LCMT1: variants seen among roughly 807,000 people sequenced by gnomAD.
The protein encoded by LCMT1 is [Phosphatase 2A protein]-leucine-carboxy methyltransferase 1.
Under a neutral mutation model 47.7 loss-of-function variants are expected in LCMT1, and 32 were observed. The observed-to-expected ratio is 0.67, with a 90% CI of 0.51 to 0.90. The LOEUF (loss-of-function observed/expected upper bound fraction) is 0.90. Among genes scored for constraint, LCMT1 ranks in the 40% least tolerant of loss-of-function variants. The probability of loss-of-function intolerance (pLI) is 0.00; values close to 1 mark genes in which losing one functional copy is unlikely to be tolerated. For synonymous variants in LCMT1, 152 were observed against 149.7 expected (o/e 1.02, Z -0.11); for missense variants, 375 against 415.2 (o/e 0.90, Z 0.84).
intron 9 of LCMT1, among the ~76,000 whole-genome samples, chr16:25,173,500 A>G (rs773917927): frequency 5.3e-5 from 8 of 152,234 alleles, no homozygotes; most frequent in Non-Finnish European, 1.0e-4. Flanking sequence ...ATACAGAAAC[A>G]TGCACAGACA....
At chr16:25,131,045 T>C (rs919909712) in intron 2 of LCMT1, among the ~76,000 whole-genome samples, 8 of 152,238 alleles carry the variant, frequency 5.3e-5, no homozygotes, top group Non-Finnish European at 7.3e-5. Context: ...CTGCAGATAA[T>C]TTCCATCAAG....
chr16:25,132,396 C>G lies in LCMT1; in HGVS notation c.206-6C>G, dbSNP rs781663449. 8.7e-6 allele frequency: 14 copies of G among 1,613,424 alleles called. No homozygotes were observed. Among genetic ancestry groups the G allele is most frequent in the Admixed American group, 8.3e-5 (5 of 59,992 alleles). On this transcript the variant is annotated splice_polypyrimidine_tract_variant and splice_region_variant and intron_variant, in intron 2 of 10. Transcript: ENST00000399069. The stretch of plus-strand genomic sequence containing the variant: ...AGCTTGTTTCTGTGCCTCCCCTCCC[C>G]CCTAGGATATTTTGCTCGAGTCCAT...
At chr16:25,154,635 C>T (rs957812227) in intron 5 of LCMT1, among the ~76,000 whole-genome samples, 12 of 151,676 alleles carry the variant, frequency 7.9e-5, no homozygotes, top group Admixed American at 5.3e-4. Flanking sequence ...TACAGGTGCC[C>T]GCCACCACGC....
At chr16:25,174,685 C>T in intron 9 of LCMT1, 1 of 238,698 alleles carries the variant, frequency 4.2e-6, no homozygotes, top group Non-Finnish European at 8.1e-6. Flanking sequence ...TAATAAGGAA[C>T]TCAGCCCTTT....
At chr16:25,115,898 G>A (rs761035406) in intron 1 of LCMT1, among the ~76,000 whole-genome samples, 13 of 152,146 alleles carry the variant, frequency 8.5e-5, no homozygotes, top group African/African-American at 3.1e-4. Context: ...GGCTGGTCTC[G>A]AATGCCTGAC....
At chr16:25,150,386 C>G (rs1186759485) in intron 4 of LCMT1, among the ~76,000 whole-genome samples, 1 of 132,072 alleles carries the variant, frequency 7.6e-6, no homozygotes, top group East Asian at 2.2e-4. Context: ...CTCTTGTTGC[C>G]CAGGCTGGAG....
chr16:25,112,746 A>G (rs992942229), intron 1 of LCMT1, among the ~76,000 whole-genome samples: 2 of 152,192 alleles, frequency 1.3e-5, no homozygotes, highest in Non-Finnish European at 2.9e-5. Flanking sequence ...GAGAGACAGG[A>G]AGCAAATAAT....
intron 1 of LCMT1, among the ~76,000 whole-genome samples, chr16:25,115,314 C>T (rs1959753490): frequency 6.6e-6 from 1 of 152,208 alleles, no homozygotes; most frequent in Non-Finnish European, 1.5e-5. Flanking sequence ...CTCGGTAATT[C>T]TGTTGACAGT....
intron 4 of LCMT1, 31 bp from the exon 5 acceptor site, chr16:25,151,523 C>T: frequency 1.3e-6 from 2 of 1,577,144 alleles, no homozygotes; most frequent in Non-Finnish European, 8.7e-7. Flanking sequence ...CAAATAGACT[C>T]ATTTTTCTCC....
chr16:25,151,432 C>G, intron 4 of LCMT1, 122 bp from the exon 5 acceptor site: 1 of 813,492 alleles, frequency 1.2e-6, no homozygotes, highest in Non-Finnish European at 2.0e-6. Context: ...CTGCTTTGAA[C>G]AATAGCAAAT....
intron 4 of LCMT1, chr16:25,141,267 A>G (rs1284921891): frequency 6.6e-6 from 1 of 152,380 alleles, no homozygotes; most frequent in East Asian, 1.9e-4. Flanking sequence ...CTTTGTAGGT[A>G]TCCACTGATG....
At position 25,169,179 on chromosome 16, in the gene LCMT1, C is replaced by A; in HGVS notation, c.758C>A (p.Ala253Glu). 6.2e-7 allele frequency: 1 copy of A among 1,613,148 alleles called. No homozygotes were observed. Among genetic ancestry groups the A allele is most frequent in the South Asian group, 1.1e-5 (1 of 91,068 alleles). ...CTGCGGAGACGCCAGTGTGACCTGG[C>A]GGGAGTGGAGACCTGCAAGTCATTA... ...ENLRRRQCDL[A>E]GVETCKSLES... The change falls in exon 8 of 11, where the codon GCG (alanine) becomes GAG (glutamate). Residue 253 changes from alanine to glutamate, a missense_variant. Ala to Glu is a moderately radical substitution (Grantham distance 107). Coordinates refer to ENST00000399069, the MANE Select transcript of LCMT1 (RefSeq NM_016309.3).
chr16:25,173,462 G>T (rs1961833976), intron 9 of LCMT1, among the ~76,000 whole-genome samples: 1 of 152,146 alleles, frequency 6.6e-6, no homozygotes, highest in Admixed American at 6.5e-5. Context: ...CCTGAAGCCT[G>T]CATACCAAGA....
rs1205708510 is a variant in LCMT1, at chr16:25,178,108, G to T, written c.*85G>T. 2 of 1,312,196 alleles carry T rather than the reference G, an allele frequency of 1.5e-6. No individual in the cohort carries two copies. The highest frequency in any genetic ancestry group is 2.2e-6 in the Non-Finnish European group (2 of 913,802). 81.3% of individuals were successfully genotyped at this position (1,312,196 alleles called of 1,614,324 possible). A position where few individuals can be genotyped will look rare whatever the true frequency, so the allele number is the denominator to read the frequency against. ...TGCAAGCTCCCTGAGCGGTGGGCGG[G>T]CCTCGTCCGCAGGTCTCATCCCACA... On this transcript the variant is annotated 3_prime_UTR_variant, in exon 11 of 11. Transcript: ENST00000399069.
rs139504024 is a variant in LCMT1 at position 25,151,696 on chromosome 16, G to GGT, written c.466+107_466+108dup. On this transcript the variant is annotated intron_variant, in intron 5 of 10. Coordinates refer to ENST00000399069, the MANE Select transcript of LCMT1 (RefSeq NM_016309.3). ...CTTTTTGAAGATGGGGTTTGTGTTG[G>GGT]GTGTGTGTGTGTGTGTGTGTGTGTG... 6.0e-3 allele frequency: 3,604 copies of GGT among 599,318 alleles called. 14 individuals carry two copies. The highest frequency in any genetic ancestry group is 0.021 in the Admixed American group (724 of 35,210). 37.1% of individuals were successfully genotyped at this position (599,318 alleles called of 1,614,324 possible). A position where few individuals can be genotyped will look rare whatever the true frequency, so the allele number is the denominator to read the frequency against.
At chr16:25,151,439 A>G in intron 4 of LCMT1, 115 bp from the exon 5 acceptor site, 1 of 863,344 alleles carries the variant, frequency 1.2e-6, no homozygotes. Flanking sequence ...GAACAATAGC[A>G]AATATATATT....
Position 25,170,799 on chromosome 16 carries a change from T to G in LCMT1, c.878T>G (p.Val293Gly). ...ELYNRLPRAE[V>G]SRIESLEFLD... ...TACAACAGGTTACCTCGAGCTGAAGTGAGCAGGTATGGGGTTGGTGAGCGT... is the reference window on the plus strand; with the variant it reads ...TACAACAGGTTACCTCGAGCTGAAGGGAGCAGGTATGGGGTTGGTGAGCGT... The change falls in exon 9 of 11, where the codon GTG (valine) becomes GGG (glycine). Residue 293 changes from valine to glycine, a missense_variant. Val to Gly is a moderately radical substitution (Grantham distance 109). Transcript: ENST00000399069. 1.9e-6 allele frequency: 3 copies of G among 1,609,438 alleles called. No homozygotes were observed. The highest frequency in any genetic ancestry group is 1.7e-4 in the Middle Eastern group (1 of 6,050).
intron 6 of LCMT1, among the ~76,000 whole-genome samples, chr16:25,163,753 A>G (rs767184960): frequency 6.6e-6 from 1 of 152,204 alleles, no homozygotes; most frequent in Non-Finnish European, 1.5e-5. Flanking sequence ...GTGTCAATAA[A>G]TACAGTCCCT....
At chr16:25,138,878 G>A (rs745966557) in intron 3 of LCMT1, among the ~76,000 whole-genome samples, 3 of 151,882 alleles carry the variant, frequency 2.0e-5, no homozygotes, top group Admixed American at 1.3e-4. Context: ...CACATGTATT[G>A]CCTCATTAAT....
Sources: allele counts gnomAD v4.1 joint callset (sites outside exome capture counted in the v4.1 genomes callset), GRCh38; gene constraint gnomAD v4.1.1; transcripts MANE v1.5; gene names NCBI Gene and HGNC (gene_info 2026-07-23, HGNC 2026-07-21).